CHTOP: variants seen among roughly 807,000 people sequenced by gnomAD.
CHTOP encodes chromatin target of PRMT1.
CHTOP carries 18 observed loss-of-function variants against 33.6 expected under a neutral mutation model. The observed-to-expected ratio is 0.54, with a 90% CI of 0.37 to 0.80. The LOEUF (loss-of-function observed/expected upper bound fraction) is 0.80. Among genes scored for constraint, CHTOP ranks in the 30% least tolerant of loss-of-function variants. The probability of loss-of-function intolerance (pLI) is 0.00; values close to 1 mark genes in which losing one functional copy is unlikely to be tolerated. For synonymous variants in CHTOP, 117 were observed against 127.7 expected (o/e 0.92, Z 0.56); for missense variants, 263 against 336.8 (o/e 0.78, Z 1.71).
chr1:153,642,989 A>G, intron 4 of CHTOP: 1 of 511,536 alleles, frequency 2.0e-6, no homozygotes, highest in Non-Finnish European at 3.5e-6. Context: ...ATATTTATTA[A>G]ATGTATGTAC....
intron 4 of CHTOP, 165 bp downstream of exon 4, chr1:153,642,594 C>T (rs1668667582): frequency 5.7e-6 from 3 of 523,444 alleles, no homozygotes; most frequent in Non-Finnish European, 9.7e-6. Context: ...TTTATCAATA[C>T]CATTCCTTTT....
intron 1 of CHTOP, among the ~76,000 whole-genome samples, chr1:153,635,348 T>C (rs769474206): frequency 2.0e-4 from 29 of 146,410 alleles, no homozygotes; most frequent in Non-Finnish European, 3.3e-4. Flanking sequence ...AACGGGGTCT[T>C]ACCATGTTGC....
chr1:153,645,056 T>C lies in CHTOP; in HGVS notation c.542-8T>C, dbSNP rs767596980. ...TCTCTTTTTTTTTTTTTTTCCCCTT[T>C]GGGCCAGGTCGGGGTATGATAGGTC... On this transcript the variant is annotated splice_polypyrimidine_tract_variant and splice_region_variant and intron_variant, in intron 5 of 5. Transcript: ENST00000368694. The C allele has an allele frequency of 6.3e-7, 1 of 1,595,586 alleles. No homozygotes were observed. The highest frequency in any genetic ancestry group is 8.5e-7 in the Non-Finnish European group (1 of 1,171,834).
chr1:153,641,043 G>A (rs1668604182), intron 3 of CHTOP, among the ~76,000 whole-genome samples: 1 of 152,218 alleles, frequency 6.6e-6, no homozygotes. Flanking sequence ...ATAATTGTGT[G>A]TTAATCGGGA....
rs1365908627 is a variant in CHTOP at position 153,634,104 on chromosome 1, G to T, written c.-257G>T. The T allele has an allele frequency of 3.3e-5, 5 of 152,844 alleles. No homozygotes were observed. The highest frequency in any genetic ancestry group is 1.2e-4 in the African/African-American group (5 of 41,474). 9.5% of individuals were successfully genotyped at this position (152,844 alleles called of 1,614,324 possible). ...TGTTTTGGACACCGAGCAGGAGCTG[G>T]CGGCCGCTGCAGACGAAAGGCAGGA... On this transcript the variant is annotated 5_prime_UTR_variant, in exon 1 of 6. Coordinates refer to ENST00000368694, the MANE Select transcript of CHTOP (RefSeq NM_015607.4).
rs111613249 is a variant in CHTOP, at chr1:153,640,664, G to T, written c.220-1582G>T. Among the ~76,000 whole-genome samples, 302 of 152,210 alleles carry T rather than the reference G, an allele frequency of 2.0e-3. 1 individual carries two copies. Among genetic ancestry groups the T allele is most frequent in the African/African-American group, 7.1e-3 (296 of 41,534 alleles). On this transcript the variant is annotated intron_variant, in intron 3 of 5. Transcript: ENST00000368694. ...ACAGCTCCTGTAATCCCAGCTACTC[G>T]GGAGGCTGAGGCAGGAGAATTGTTT...
chr1:153,636,764 C>T (rs1344690789), intron 2 of CHTOP, 111 bp downstream of exon 2: 2 of 879,686 alleles, frequency 2.3e-6, no homozygotes, highest in African/African-American at 1.7e-5. Context: ...CAGAAGGCTA[C>T]AGACCTCTGT....
chr1:153,636,512 C>G lies in CHTOP; in HGVS notation c.-17-60C>G. 10 of 1,410,488 alleles carry G rather than the reference C, an allele frequency of 7.1e-6. No homozygotes were observed. The South Asian group carries it at 1.2e-4, about 17-fold the overall frequency. 87.4% of individuals were successfully genotyped at this position (1,410,488 alleles called of 1,614,324 possible). A position where few individuals can be genotyped will look rare whatever the true frequency, so the allele number is the denominator to read the frequency against. On this transcript the variant is annotated intron_variant, in intron 1 of 5. Coordinates refer to ENST00000368694, the MANE Select transcript of CHTOP (RefSeq NM_015607.4). The stretch of plus-strand genomic sequence containing the variant: ...TTATTTATTTTTGGCTTGGGCCTTG[C>G]CACTTATAGAAATGATGTCACTATT...
At chr1:153,636,763 A>G (rs1300837530) in intron 2 of CHTOP, 110 bp downstream of exon 2, 4 of 887,898 alleles carry the variant, frequency 4.5e-6, no homozygotes, top group Non-Finnish European at 7.2e-6. Flanking sequence ...ACAGAAGGCT[A>G]CAGACCTCTG....
chr1:153,634,865 TGG>T (rs5777875), intron 1 of CHTOP, among the ~76,000 whole-genome samples: 6,707 of 146,476 alleles, frequency 0.046, 235 homozygotes, highest in African/African-American at 0.093. Context: ...TATTTTTTTT[TGG>T]GGGGGGACGG....
intron 1 of CHTOP, among the ~76,000 whole-genome samples, chr1:153,634,860 T>A (rs1412447965): frequency 1.0e-4 from 11 of 106,156 alleles, no homozygotes; most frequent in South Asian, 3.9e-4. Flanking sequence ...ATATATATTT[T>A]TTTTTGGGGG....
chr1:153,639,863 C>T (rs953235457), intron 3 of CHTOP, among the ~76,000 whole-genome samples: 2 of 152,182 alleles, frequency 1.3e-5, no homozygotes, highest in Middle Eastern at 3.2e-3. Context: ...GCAATCTCAA[C>T]TCACTGCAGC....
In CHTOP at chr1:153,638,339, T is replaced by G; in HGVS notation, c.110T>G (p.Ile37Ser). 6.2e-7 allele frequency: 1 copy of G among 1,614,202 alleles called. No individual in the cohort carries two copies. Among genetic ancestry groups the G allele is most frequent in the Non-Finnish European group, 8.5e-7 (1 of 1,180,018 alleles). The change falls in exon 3 of 6, where the codon ATT becomes AGT. Residue 37 changes from isoleucine (I) to serine (S), a missense_variant. Physicochemically the swap from Ile to Ser is moderately radical, Grantham distance 142 (BLOSUM62 -2). This residue lies in a region of CHTOP where 73 missense variants were observed against 108.9 expected (regional missense o/e 0.67). Transcript: ENST00000368694. Reference sequence around the variant, plus strand: ...AACAAACAGCCGACGCCAGTGAATATTCGGGCTTCGATGCAGCAACAACAG... The same window carrying G: ...AACAAACAGCCGACGCCAGTGAATAGTCGGGCTTCGATGCAGCAACAACAG... ...LKNKQPTPVN[I>S]RASMQQQQQL...
chr1:153,637,877 C>T (rs1281795188), intron 2 of CHTOP: 1 of 179,870 alleles, frequency 5.6e-6, no homozygotes, highest in African/African-American at 2.4e-5. Context: ...AGAGTATGTT[C>T]ATTGCTGTGA....
chr1:153,645,330 G>GA lies in CHTOP; in HGVS notation c.*62dup. 3 of 1,505,838 alleles carry GA rather than the reference G, an allele frequency of 2.0e-6. No homozygotes were observed. Among genetic ancestry groups the GA allele is most frequent in the Non-Finnish European group, 2.7e-6 (3 of 1,095,234 alleles). The allele number at this position is 1,505,838 out of a possible 1,614,324, so 93.3% of individuals were successfully genotyped here. On this transcript the variant is annotated 3_prime_UTR_variant, in exon 6 of 6. Coordinates refer to ENST00000368694, the MANE Select transcript of CHTOP (RefSeq NM_015607.4). ...TCAACACATCTGTAAATAACCTTGAGATAACAGATGAGAAGAAATCTGATT... is the reference window on the plus strand; with the variant it reads ...TCAACACATCTGTAAATAACCTTGAGAATAACAGATGAGAAGAAATCTGATT...
At chr1:153,644,930 C>T (rs937860870) in intron 5 of CHTOP, 134 bp from the exon 6 acceptor site, 1 of 717,464 alleles carries the variant, frequency 1.4e-6, no homozygotes, top group Non-Finnish European at 2.2e-6. Context: ...TCCTTTTTTT[C>T]CAGATTTCTC....
At chr1:153,635,976 A>C (rs1668377566) in intron 1 of CHTOP, among the ~76,000 whole-genome samples, 1 of 152,092 alleles carries the variant, frequency 6.6e-6, no homozygotes, top group Non-Finnish European at 1.5e-5. Flanking sequence ...GCCAGAGTGC[A>C]GTGGCATGAT....
chr1:153,634,810 A>G (rs1161175340), intron 1 of CHTOP, among the ~76,000 whole-genome samples: 1 of 151,370 alleles, frequency 6.6e-6, no homozygotes, highest in Non-Finnish European at 1.5e-5. Flanking sequence ...TTTTGAAACT[A>G]GGCATGCATA....
chr1:153,639,911 C>T (rs1421876137), intron 3 of CHTOP, among the ~76,000 whole-genome samples: 1 of 152,098 alleles, frequency 6.6e-6, no homozygotes, highest in African/African-American at 2.4e-5. Context: ...CCTGTCTCAG[C>T]TACAGGCGCC....
Sources: gnomAD v4.1 joint callset for allele counts (sites outside exome capture counted in the v4.1 genomes callset) on GRCh38, gnomAD v4.1.1 for gene constraint, gnomAD v4.1.1 regional missense constraint, MANE v1.5 for transcripts, NCBI Gene and HGNC (gene_info 2026-07-23, HGNC 2026-07-21) for gene names.